FGF20: variants seen among roughly 807,000 people sequenced by gnomAD.
FGF20 encodes the protein fibroblast growth factor 20.
A neutral mutation model predicts 16.7 loss-of-function variants in FGF20; 8 were observed. The observed-to-expected ratio is 0.48, with a 90% CI of 0.28 to 0.87. The LOEUF is 0.87. Ranked by LOEUF, FGF20 falls within the 40% of genes least tolerant of loss-of-function variation. The probability of loss-of-function intolerance (pLI) is 0.10; values close to 1 mark genes in which losing one functional copy is unlikely to be tolerated. For synonymous variants in FGF20, 161 were observed against 118.6 expected (o/e 1.36, Z -2.32); for missense variants, 397 against 281.4 (o/e 1.41, Z -2.94).
intron 1 of FGF20, among the ~76,000 whole-genome samples, chr8:16,999,076 C>T (rs1356089805): frequency 6.6e-6 from 1 of 152,154 alleles, no homozygotes; most frequent in African/African-American, 2.4e-5. Context: ...AAACTTTCTT[C>T]TTACCCGCAC....
In FGF20 at chr8:17,001,891, C is replaced by T. The variant is rs1442725564; in HGVS notation, c.142G>A (p.Ala48Thr). The T allele has an allele frequency of 1.4e-6, 2 of 1,433,082 alleles. No homozygotes were observed. The highest frequency in any genetic ancestry group is 1.8e-6 in the Non-Finnish European group (2 of 1,097,824). The allele number at this position is 1,433,082 out of a possible 1,614,324, so 88.8% of individuals were successfully genotyped here. ...GERRSAAERSARGGPGAAQLA... is the reference protein window; with the variant it reads ...GERRSAAERSTRGGPGAAQLA... ...TGCGCAGCCCCCGGCCCGCCGCGCG[C>T]GCTCCGCTCCGCCGCGCTCCTGCGC... is the stretch of plus-strand genomic sequence containing the variant. Residue 48 changes from alanine to threonine, a missense_variant, in exon 1 of 3, where the codon GCG becomes ACG. Physicochemically the swap from Ala to Thr is moderately conservative, Grantham distance 58. Transcript: ENST00000180166.
In FGF20 at chr8:16,992,985, G is replaced by T. The variant is rs1396779442; in HGVS notation, c.*87C>A. On this transcript the variant is annotated 3_prime_UTR_variant, in exon 3 of 3. Coordinates refer to ENST00000180166, the MANE Select transcript of FGF20 (RefSeq NM_019851.3). ...GAAAATAGACTTTAATATTTTGAACGTCTCCTTGGGTCATTATTTTATGAT... is the reference window on the plus strand; with the variant it reads ...GAAAATAGACTTTAATATTTTGAACTTCTCCTTGGGTCATTATTTTATGAT... 4 of 1,428,908 alleles carry T rather than the reference G, an allele frequency of 2.8e-6. No individual in the cohort carries two copies. Among genetic ancestry groups the T allele is most frequent in the Non-Finnish European group, 3.8e-6 (4 of 1,059,318 alleles). The allele number at this position is 1,428,908 out of a possible 1,614,324, so 88.5% of individuals were successfully genotyped here. A position where few individuals can be genotyped will look rare whatever the true frequency, so the allele number is the denominator to read the frequency against.
At chr8:16,994,021 AGTCTATG>A (rs1809983611) in intron 2 of FGF20, among the ~76,000 whole-genome samples, 1 of 152,112 alleles carries the variant, frequency 6.6e-6, no homozygotes, top group Non-Finnish European at 1.5e-5. Flanking sequence ...GACCAATACC[AGTCTATG>A]GCCCAGGGGT....
chr8:16,995,791 G>C (rs758887113), intron 1 of FGF20, 33 bp from the exon 2 acceptor site: 52 of 1,288,988 alleles, frequency 4.0e-5, no homozygotes, highest in Non-Finnish European at 5.7e-5. Context: ...AAAACACCAT[G>C]TTTTGTATTT....
chr8:17,001,928 C>G lies in FGF20; in HGVS notation c.105G>C (p.Pro35=). ...CCGCGCTCCTGCGCTCGCCCAGCAG[C>G]GGCGGCCGCTCCCCGGCAGGAGGCA... The part of the protein sequence containing the change: ...FLLPPAGERP[P]LLGERRSAAE... The change falls in exon 1 of 3, where the codon CCG becomes CCC. Residue 35 remains proline, a synonymous_variant. Transcript: ENST00000180166. 6.7e-7 allele frequency: 1 copy of G among 1,492,500 alleles called. No homozygotes were observed. The highest frequency in any genetic ancestry group is 8.9e-7 in the Non-Finnish European group (1 of 1,122,392). 92.5% of individuals were successfully genotyped at this position (1,492,500 alleles called of 1,614,324 possible). A position where few individuals can be genotyped will look rare whatever the true frequency, so the allele number is the denominator to read the frequency against.
intron 2 of FGF20, among the ~76,000 whole-genome samples, chr8:16,995,233 T>C (rs1199174897): frequency 6.6e-6 from 1 of 152,174 alleles, no homozygotes; most frequent in Non-Finnish European, 1.5e-5. Flanking sequence ...ATTTCTTAAA[T>C]ACAAAGGTCA....
chr8:16,999,977 T>C (rs888336655), intron 1 of FGF20, among the ~76,000 whole-genome samples: 73 of 152,274 alleles, frequency 4.8e-4, no homozygotes, highest in African/African-American at 1.7e-3. Flanking sequence ...ATCTTTCTGG[T>C]AGTTGGAATA....
chr8:16,996,304 A>G (rs1810045345), intron 1 of FGF20, among the ~76,000 whole-genome samples: 1 of 152,190 alleles, frequency 6.6e-6, no homozygotes, highest in South Asian at 2.1e-4. Context: ...AAGTACTACG[A>G]CAATGGTATA....
chr8:16,996,326 G>A (rs1177707274), intron 1 of FGF20, among the ~76,000 whole-genome samples: 1 of 152,176 alleles, frequency 6.6e-6, no homozygotes, highest in Non-Finnish European at 1.5e-5. Flanking sequence ...TGTGAAAGGT[G>A]TGAAACCTTA....
chr8:16,992,974 AT>A lies in FGF20; in HGVS notation c.*97del. 2 of 1,417,392 alleles carry A rather than the reference AT, an allele frequency of 1.4e-6. No homozygotes were observed. The highest frequency in any genetic ancestry group is 1.9e-6 in the Non-Finnish European group (2 of 1,051,470). The allele number at this position is 1,417,392 out of a possible 1,614,324, so 87.8% of individuals were successfully genotyped here. A position where few individuals can be genotyped will look rare whatever the true frequency, so the allele number is the denominator to read the frequency against. On this transcript the variant is annotated 3_prime_UTR_variant, in exon 3 of 3. Transcript: ENST00000180166. Reference sequence around the variant, plus strand: ...GTCTCTCAGTAGAAAATAGACTTTAATATTTTGAACGTCTCCTTGGGTCATT... The same window carrying A: ...GTCTCTCAGTAGAAAATAGACTTTAAATTTTGAACGTCTCCTTGGGTCATT...
At chr8:16,996,069 G>C (rs1041995284) in intron 1 of FGF20, among the ~76,000 whole-genome samples, 4 of 152,194 alleles carry the variant, frequency 2.6e-5, no homozygotes, top group African/African-American at 9.7e-5. Context: ...ACCCTTTGCA[G>C]CGGGGAGGAG....
Position 16,992,537 on chromosome 8 carries a change from T to C in FGF20, c.*535A>G, listed in dbSNP as rs1809937680. On this transcript the variant is annotated 3_prime_UTR_variant, in exon 3 of 3. Coordinates refer to ENST00000180166, the MANE Select transcript of FGF20 (RefSeq NM_019851.3). The stretch of plus-strand genomic sequence containing the variant: ...TGAAAGTGTATAAATAGGTCCATTC[T>C]TTTAAAAAGTGTTCTGTCTTGGTGT... 1 of 151,656 alleles carries C rather than the reference T, an allele frequency of 6.6e-6. No individual in the cohort carries two copies. The highest frequency in any genetic ancestry group is 6.6e-5 in the Admixed American group (1 of 15,222). 9.4% of individuals were successfully genotyped at this position (151,656 alleles called of 1,614,324 possible). A position where few individuals can be genotyped will look rare whatever the true frequency, so the allele number is the denominator to read the frequency against.
At chr8:16,999,287 C>G (rs1810128194) in intron 1 of FGF20, among the ~76,000 whole-genome samples, 1 of 152,130 alleles carries the variant, frequency 6.6e-6, no homozygotes, top group Non-Finnish European at 1.5e-5. Flanking sequence ...TTTGCAGCTA[C>G]TAAATAATTA....
intron 1 of FGF20, among the ~76,000 whole-genome samples, chr8:16,997,000 A>C (rs1810068289): frequency 6.6e-6 from 1 of 152,240 alleles, no homozygotes. Context: ...AGTTCAGAGA[A>C]GAAAAAGGAC....
intron 1 of FGF20, among the ~76,000 whole-genome samples, chr8:16,999,477 T>G (rs1446418096): frequency 6.6e-6 from 1 of 151,892 alleles, no homozygotes; most frequent in East Asian, 1.9e-4. Flanking sequence ...AGGCCTTTTT[T>G]TTTCTGTCAC....
chr8:16,999,803 C>G (rs370741331), intron 1 of FGF20, among the ~76,000 whole-genome samples: 25 of 150,912 alleles, frequency 1.7e-4, no homozygotes, highest in South Asian at 1.5e-3. Flanking sequence ...CCTCCCAAAG[C>G]GCTGGGATTA....
chr8:16,992,865 T>C lies in FGF20; in HGVS notation c.*207A>G, dbSNP rs1488739983. ...CTAATCCAATGTATCTAAGGGAACT[T>C]AATCCACATATAAAGAGTGATCATG... On this transcript the variant is annotated 3_prime_UTR_variant, in exon 3 of 3. Coordinates refer to ENST00000180166, the MANE Select transcript of FGF20 (RefSeq NM_019851.3). 4 of 577,994 alleles carry C rather than the reference T, an allele frequency of 6.9e-6. No individual in the cohort carries two copies. Among genetic ancestry groups the C allele is most frequent in the Non-Finnish European group, 8.8e-6 (3 of 339,458 alleles). The allele number at this position is 577,994 out of a possible 1,614,324, so 35.8% of individuals were successfully genotyped here.
At position 16,995,767 on chromosome 8, in the gene FGF20, G is replaced by A. The variant is rs752781980; in HGVS notation, c.287-9C>T. 3.6e-5 allele frequency: 53 copies of A among 1,485,336 alleles called. No homozygotes were observed. In the East Asian group the frequency reaches 1.2e-3, roughly 33 times the overall value. The allele number at this position is 1,485,336 out of a possible 1,614,324, so 92.0% of individuals were successfully genotyped here. A position where few individuals can be genotyped will look rare whatever the true frequency, so the allele number is the denominator to read the frequency against. ...GATGAATTCCAAGATACCTGCATAT[G>A]TAAACAATTCATAAAAACACCATGT... is the stretch of plus-strand genomic sequence containing the variant. On this transcript the variant is annotated splice_polypyrimidine_tract_variant and intron_variant, in intron 1 of 2. Transcript: ENST00000180166.
Position 17,001,740 on chromosome 8 carries a change from T to G in FGF20, c.286+7A>C, listed in dbSNP as rs879221301. 1 of 1,575,704 alleles carries G rather than the reference T, an allele frequency of 6.3e-7. No homozygotes were observed. The highest frequency in any genetic ancestry group is 1.1e-5 in the South Asian group (1 of 87,730). On this transcript the variant is annotated splice_region_variant and intron_variant, in intron 1 of 2. Transcript: ENST00000180166. ...GATGGGGGTGGGGTCGGGATGCTAG[T>G]ACGTACCGAAGAGGCTGTGGTCCTG...
Sources: gnomAD v4.1 joint callset for allele counts (sites outside exome capture counted in the v4.1 genomes callset) on GRCh38, gnomAD v4.1.1 for gene constraint, MANE v1.5 for transcripts, NCBI Gene and HGNC (gene_info 2026-07-23, HGNC 2026-07-21) for gene names.